The following ST8SIA5 variants were observed in gnomAD, a reference collection of about 807,000 sequenced individuals.
ST8SIA5 encodes alpha-2,8-sialyltransferase 8E.
ST8SIA5 carries 24 observed loss-of-function variants against 40.2 expected under a neutral mutation model. That is an observed-to-expected ratio of 0.60 (90% confidence interval 0.43 to 0.84). ST8SIA5 has a LOEUF of 0.84. Among genes scored for constraint, ST8SIA5 ranks in the 40% least tolerant of loss-of-function variants. The pLI is 0.00. For missense variants in ST8SIA5, 465 were observed against 498.5 expected (o/e 0.93, Z 0.64); for synonymous variants, 198 against 201.8 (o/e 0.98, Z 0.16).
chr18:46,726,507 G>A (rs1028972993), intron 1 of ST8SIA5, among the ~76,000 whole-genome samples: 1 of 152,092 alleles, frequency 6.6e-6, no homozygotes, highest in African/African-American at 2.4e-5. Flanking sequence ...AGTAAATACG[G>A]CAGGATGTTA....
intron 1 of ST8SIA5, among the ~76,000 whole-genome samples, chr18:46,746,961 A>C (rs1055109626): frequency 7.2e-5 from 11 of 152,188 alleles, no homozygotes; most frequent in African/African-American, 2.7e-4. Flanking sequence ...CAAAAACAAG[A>C]AATCGGGAAA....
chr18:46,715,326 C>A (rs559048586), intron 1 of ST8SIA5, among the ~76,000 whole-genome samples: 1 of 152,184 alleles, frequency 6.6e-6, no homozygotes, highest in African/African-American at 2.4e-5. Context: ...CGCACTGCCC[C>A]CAAGGGCTCC....
chr18:46,755,005 C>T (rs985003129), intron 1 of ST8SIA5, among the ~76,000 whole-genome samples: 2 of 152,180 alleles, frequency 1.3e-5, no homozygotes, highest in African/African-American at 2.4e-5. Flanking sequence ...CAGGAGACTC[C>T]GAAGATGGCC....
intron 1 of ST8SIA5, chr18:46,722,901 T>C (rs551907906): frequency 4.6e-4 from 70 of 152,338 alleles, no homozygotes; most frequent in African/African-American, 1.6e-3. Flanking sequence ...AAGAAAACTT[T>C]AACAGTCAGA....
chr18:46,718,306 AG>A (rs1484666122), intron 1 of ST8SIA5, among the ~76,000 whole-genome samples: 1 of 143,770 alleles, frequency 7.0e-6, no homozygotes, highest in African/African-American at 2.6e-5. Context: ...CTCCAGCCTG[AG>A]CAATGGAGTG....
intron 1 of ST8SIA5, among the ~76,000 whole-genome samples, chr18:46,736,916 G>A (rs959536706): frequency 1.3e-5 from 2 of 151,882 alleles, no homozygotes; most frequent in African/African-American, 4.8e-5. Context: ...ACACAGTCCA[G>A]GGGCTCTGCA....
chr18:46,721,344 T>G (rs2144528646), intron 1 of ST8SIA5: 2 of 1,535,168 alleles, frequency 1.3e-6, no homozygotes, highest in South Asian at 1.2e-5. Flanking sequence ...CTCCCTGGCC[T>G]TTTGCCGGGG....
In ST8SIA5 at chr18:46,730,292, C is replaced by T. The variant is rs1209155277; in HGVS notation, c.132-25628G>A. On this transcript the variant is annotated intron_variant, in intron 1 of 6. Transcript: ENST00000315087. Reference sequence around the variant, plus strand: ...TAGCAGTGTGACTCTCAGCATTGAACCTCTTGAAGTCTCAGTTTTCTCATC... The same window carrying T: ...TAGCAGTGTGACTCTCAGCATTGAATCTCTTGAAGTCTCAGTTTTCTCATC... 1.1e-5 allele frequency: 11 copies of T among 977,660 alleles called. No homozygotes were observed. In the African/African-American group the frequency reaches 1.8e-4, roughly 16 times the overall value. 60.6% of individuals were successfully genotyped at this position (977,660 alleles called of 1,614,324 possible). A position where few individuals can be genotyped will look rare whatever the true frequency, so the allele number is the denominator to read the frequency against.
At chr18:46,722,658 T>C (rs367699362) in intron 1 of ST8SIA5, among the ~76,000 whole-genome samples, 1 of 152,230 alleles carries the variant, frequency 6.6e-6, no homozygotes, top group Non-Finnish European at 1.5e-5. Context: ...CTGTGCATTA[T>C]AGGATGCTGA....
At chr18:46,745,379 G>C (rs2040129157) in intron 1 of ST8SIA5, among the ~76,000 whole-genome samples, 1 of 152,066 alleles carries the variant, frequency 6.6e-6, no homozygotes, top group African/African-American at 2.4e-5. Flanking sequence ...AAATGATAAA[G>C]GGGATATCAC....
intron 1 of ST8SIA5, among the ~76,000 whole-genome samples, chr18:46,754,784 G>A (rs894392289): frequency 6.6e-6 from 1 of 152,216 alleles, no homozygotes; most frequent in Admixed American, 6.5e-5. Context: ...AAGGCAGAAG[G>A]AATCCCAGCA....
intron 1 of ST8SIA5, among the ~76,000 whole-genome samples, chr18:46,755,561 C>G: frequency 6.6e-6 from 1 of 152,138 alleles, no homozygotes; most frequent in East Asian, 1.9e-4. Context: ...GCCAGCAGAG[C>G]CGGCAGAAGG....
chr18:46,738,690 A>G (rs1329985364), intron 1 of ST8SIA5, among the ~76,000 whole-genome samples: 1 of 151,678 alleles, frequency 6.6e-6, no homozygotes, highest in African/African-American at 2.4e-5. Flanking sequence ...CTCGAGAACC[A>G]CACTCTGGAT....
At chr18:46,747,363 C>A (rs1226744534) in intron 1 of ST8SIA5, among the ~76,000 whole-genome samples, 1 of 152,008 alleles carries the variant, frequency 6.6e-6, no homozygotes, top group East Asian at 1.9e-4. Context: ...AGAATTTAAA[C>A]AAATTTACAA....
At chr18:46,734,444 C>T (rs2040015474) in intron 1 of ST8SIA5, among the ~76,000 whole-genome samples, 1 of 146,970 alleles carries the variant, frequency 6.8e-6, no homozygotes, top group South Asian at 2.4e-4. Context: ...CCTGGGGTTG[C>T]CTCTCTAATC....
At chr18:46,704,923 A>G (rs2039655366) in intron 1 of ST8SIA5, among the ~76,000 whole-genome samples, 1 of 152,228 alleles carries the variant, frequency 6.6e-6, no homozygotes, top group Non-Finnish European at 1.5e-5. Flanking sequence ...ATTTCAGCAC[A>G]CAGGGAAATT....
chr18:46,715,244 T>C (rs1207271746), intron 1 of ST8SIA5, among the ~76,000 whole-genome samples: 1 of 152,240 alleles, frequency 6.6e-6, no homozygotes, highest in Non-Finnish European at 1.5e-5. Flanking sequence ...CAGCTGCACC[T>C]GCCACACAGG....
rs550387047 is a variant in ST8SIA5 at position 46,722,094 on chromosome 18, T to C, written c.132-17430A>G. ...ATGGACCTCCACCAGACAGTGGACA[T>C]CTTACTTCCTGCAAAAAGCAGATCT... On this transcript the variant is annotated intron_variant, in intron 1 of 6. Transcript: ENST00000315087. Among the ~76,000 whole-genome samples, 185 of 152,256 alleles carry C rather than the reference T, an allele frequency of 1.2e-3. 1 individual carries two copies. The highest frequency in any genetic ancestry group is 4.2e-3 in the African/African-American group (176 of 41,544).
intron 1 of ST8SIA5, among the ~76,000 whole-genome samples, chr18:46,719,332 G>C (rs2039827589): frequency 6.6e-6 from 1 of 152,160 alleles, no homozygotes; most frequent in South Asian, 2.1e-4. Context: ...GAGGGGCAGA[G>C]AAAATAAAGG....
Sources: allele counts gnomAD v4.1 joint callset (sites outside exome capture counted in the v4.1 genomes callset), GRCh38; gene constraint gnomAD v4.1.1; transcripts MANE v1.5; gene names NCBI Gene and HGNC (gene_info 2026-07-23, HGNC 2026-07-21).